The following DAPP1 variants were observed in gnomAD, a reference collection of about 807,000 sequenced individuals.
The protein encoded by DAPP1 is dual adapter for phosphotyrosine and 3-phosphotyrosine and 3-phosphoinositide.
DAPP1 carries 20 observed loss-of-function variants against 41.5 expected under a neutral mutation model. That is an observed-to-expected ratio of 0.48 (90% CI 0.34 to 0.70). The LOEUF (loss-of-function observed/expected upper bound fraction) is 0.70. Among genes scored for constraint, DAPP1 ranks in the 30% least tolerant of loss-of-function variants. The pLI is 0.01. For synonymous variants in DAPP1, 113 were observed against 116.2 expected (o/e 0.97, Z 0.18); for missense variants, 233 against 333.4 (o/e 0.70, Z 2.35).
chr4:99,824,230 G>GT (rs1228563059), intron 1 of DAPP1, among the ~76,000 whole-genome samples: 1 of 152,164 alleles, frequency 6.6e-6, no homozygotes, highest in Admixed American at 6.5e-5. Context: ...CAGGACAGTG[G>GT]TTTATTCATC....
At chr4:99,846,345 A>G (rs1314729827) in intron 3 of DAPP1, among the ~76,000 whole-genome samples, 2 of 152,134 alleles carry the variant, frequency 1.3e-5, no homozygotes, top group Non-Finnish European at 2.9e-5. Flanking sequence ...AGCCTCTGCC[A>G]TTTGCCGGCT....
chr4:99,843,863 A>G (rs559520058), intron 3 of DAPP1, among the ~76,000 whole-genome samples: 1 of 152,324 alleles, frequency 6.6e-6, no homozygotes, highest in East Asian at 1.9e-4. Flanking sequence ...CATTTCCACA[A>G]TATGTCATGC....
At chr4:99,855,012 A>T (rs949232256) in intron 4 of DAPP1, among the ~76,000 whole-genome samples, 2 of 152,218 alleles carry the variant, frequency 1.3e-5, no homozygotes, top group Non-Finnish European at 1.5e-5. Flanking sequence ...AAAATCCTGA[A>T]AATTGACTGA....
intron 3 of DAPP1, among the ~76,000 whole-genome samples, chr4:99,841,063 T>C (rs1363905954): frequency 6.6e-6 from 1 of 152,222 alleles, no homozygotes; most frequent in Non-Finnish European, 1.5e-5. Flanking sequence ...TTTAATGAAG[T>C]AAAATATCAT....
chr4:99,870,090 G>A lies in DAPP1; in HGVS notation c.*1905G>A, dbSNP rs1001950890. On this transcript the variant is annotated 3_prime_UTR_variant, in exon 9 of 9. Coordinates refer to ENST00000512369, the MANE Select transcript of DAPP1 (RefSeq NM_014395.3). ...GTTTACCTTTTATAAAACATAACCT[G>A]TTTATTTATATTCTTTGGCTTTGTT... 2.0e-5 allele frequency: 3 copies of A among 151,992 alleles called. No homozygotes were observed. Among genetic ancestry groups the A allele is most frequent in the Non-Finnish European group, 4.4e-5 (3 of 68,000 alleles). The allele number at this position is 151,992 out of a possible 1,614,324, so 9.4% of individuals were successfully genotyped here.
At chr4:99,850,690 A>C (rs1050421147) in intron 3 of DAPP1, among the ~76,000 whole-genome samples, 1 of 152,210 alleles carries the variant, frequency 6.6e-6, no homozygotes, top group African/African-American at 2.4e-5. Context: ...GTTAATCACA[A>C]GTAGTGATTA....
At chr4:99,861,729 G>C in intron 5 of DAPP1, 104 bp downstream of exon 5, 1 of 1,321,096 alleles carries the variant, frequency 7.6e-7, no homozygotes, top group Non-Finnish European at 1.1e-6. Context: ...ATAATTGCCT[G>C]CTCATTTTAA....
At chr4:99,835,856 C>A in intron 2 of DAPP1, 111 bp downstream of exon 2, 1 of 1,388,658 alleles carries the variant, frequency 7.2e-7, no homozygotes, top group Non-Finnish European at 9.8e-7. Flanking sequence ...TGTTGGACCA[C>A]CAGGTTAAAG....
chr4:99,831,072 T>C (rs1024547019), intron 1 of DAPP1, among the ~76,000 whole-genome samples: 1 of 152,230 alleles, frequency 6.6e-6, no homozygotes, highest in Non-Finnish European at 1.5e-5. Context: ...ATCATACTTA[T>C]GAATTTGGTG....
Position 99,868,402 on chromosome 4 carries a change from C to T in DAPP1, c.*217C>T. The stretch of plus-strand genomic sequence containing the variant: ...CTCCTTGAGAACACTGAAGCAATCA[C>T]CATTCTGATAGAAAGTGCTTAAACC... On this transcript the variant is annotated 3_prime_UTR_variant, in exon 9 of 9. Transcript: ENST00000512369. 8 of 568,488 alleles carry T rather than the reference C, an allele frequency of 1.4e-5. 1 individual carries two copies. In the South Asian group the frequency reaches 1.6e-4, roughly 11 times the overall value. The allele number at this position is 568,488 out of a possible 1,614,324, so 35.2% of individuals were successfully genotyped here. A position where few individuals can be genotyped will look rare whatever the true frequency, so the allele number is the denominator to read the frequency against.
chr4:99,853,307 A>C lies in DAPP1; in HGVS notation c.448A>C (p.Thr150Pro). 6.2e-7 allele frequency: 1 copy of C among 1,612,220 alleles called. No individual in the cohort carries two copies. The highest frequency in any genetic ancestry group is 8.5e-7 in the Non-Finnish European group (1 of 1,179,030). ...TGTCCGGGTTCACACAGCAATGCAG[A>C]CAGGAAGAACAGAAGATGACCTTGT... ...ESVRVHTAMQ[T>P]GRTEDDLVPT... Residue 150 changes from threonine (T) to proline (P), a missense_variant, in exon 4 of 9, where the codon ACA becomes CCA. Thr to Pro is a conservative substitution (Grantham distance 38, BLOSUM62 -1). Transcript: ENST00000512369.
chr4:99,857,976 G>A (rs1489356203), intron 4 of DAPP1, among the ~76,000 whole-genome samples: 1 of 152,130 alleles, frequency 6.6e-6, no homozygotes, highest in Non-Finnish European at 1.5e-5. Flanking sequence ...ACAGAACTTG[G>A]TTTTCCCCAA....
intron 3 of DAPP1, among the ~76,000 whole-genome samples, chr4:99,844,857 C>T (rs1723613824): frequency 6.6e-6 from 1 of 152,188 alleles, no homozygotes; most frequent in Non-Finnish European, 1.5e-5. Context: ...TTTGTGACAC[C>T]ACCCAGGTGA....
intron 7 of DAPP1, 56 bp from the exon 8 acceptor site, chr4:99,865,978 A>AT (rs1724443096): frequency 8.9e-6 from 1 of 111,964 alleles, no homozygotes; most frequent in Non-Finnish European, 1.7e-5. Context: ...ATATATATAT[A>AT]TATATATATA....
intron 3 of DAPP1, among the ~76,000 whole-genome samples, chr4:99,852,595 G>T (rs1723902574): frequency 1.3e-5 from 2 of 152,262 alleles, no homozygotes; most frequent in East Asian, 1.9e-4. Flanking sequence ...GCTTGTTCAG[G>T]TCATGTTCAC....
At chr4:99,831,545 A>C (rs573047928) in intron 1 of DAPP1, among the ~76,000 whole-genome samples, 47 of 152,324 alleles carry the variant, frequency 3.1e-4, no homozygotes, top group African/African-American at 1.1e-3. Flanking sequence ...GGATGGCTCT[A>C]GATTTCTTAC....
At position 99,843,986 on chromosome 4, in the gene DAPP1, A is replaced by T. The variant is rs145360186; in HGVS notation, c.358+3564A>T. Among the ~76,000 whole-genome samples the T allele has an allele frequency of 4.4e-3, 674 of 152,338 alleles. 3 individuals are homozygous for T. Among genetic ancestry groups the T allele is most frequent in the Non-Finnish European group, 7.6e-3 (520 of 68,030 alleles). ...GTTTATAAAAACATAATTTGAAATGATATTTTGTGTTGCATGTATGCTCAG... is the reference window on the plus strand; with the variant it reads ...GTTTATAAAAACATAATTTGAAATGTTATTTTGTGTTGCATGTATGCTCAG... On this transcript the variant is annotated intron_variant, in intron 3 of 8. Coordinates refer to ENST00000512369, the MANE Select transcript of DAPP1 (RefSeq NM_014395.3).
At position 99,863,047 on chromosome 4, in the gene DAPP1, A is replaced by G; in HGVS notation, c.575A>G (p.Glu192Gly). The change falls in exon 6 of 9, where the codon GAA becomes GGA. Residue 192 changes from glutamate to glycine, a missense_variant. Physicochemically the swap from Glu to Gly is moderately conservative, Grantham distance 98. Coordinates refer to ENST00000512369, the MANE Select transcript of DAPP1 (RefSeq NM_014395.3). ...AGATGGTTTACTCTGCACAGGAATG[A>G]ACTGAAATACTTCAAAGACCAGATG... ...KTRWFTLHRN[E>G]LKYFKDQMSP... 1 of 1,590,178 alleles carries G rather than the reference A, an allele frequency of 6.3e-7. No homozygotes were observed.
intron 1 of DAPP1, among the ~76,000 whole-genome samples, chr4:99,834,622 G>C (rs1017586485): frequency 2.0e-5 from 3 of 152,146 alleles, no homozygotes; most frequent in African/African-American, 4.8e-5. Context: ...ACTTGAAAAA[G>C]AGTGTGAGAG....
Sources: allele counts gnomAD v4.1 joint callset (sites outside exome capture counted in the v4.1 genomes callset), GRCh38; gene constraint gnomAD v4.1.1; transcripts MANE v1.5; gene names NCBI Gene and HGNC (gene_info 2026-07-23, HGNC 2026-07-21).